CDYL2: variants seen among roughly 807,000 people sequenced by gnomAD.
CDYL2 encodes chromodomain Y like 2.
In CDYL2, 23 loss-of-function variants were observed where a neutral mutation model predicts 49.4. The observed-to-expected ratio is 0.47, with a 90% CI of 0.34 to 0.66. CDYL2 has a LOEUF of 0.66. Among genes scored for constraint, CDYL2 ranks in the 30% least tolerant of loss-of-function variants. The pLI is 0.01. For missense variants in CDYL2, 678 were observed against 656.4 expected (o/e 1.03, Z -0.36); for synonymous variants, 360 against 268.8 (o/e 1.34, Z -3.32).
intron 2 of CDYL2, among the ~76,000 whole-genome samples, chr16:80,652,902 A>C (rs1908646336): frequency 6.6e-6 from 1 of 152,228 alleles, no homozygotes; most frequent in South Asian, 2.1e-4. Context: ...AAAGCCTGAG[A>C]AACTGTCAGC....
intron 1 of CDYL2, among the ~76,000 whole-genome samples, chr16:80,693,093 T>A (rs1438734425): frequency 7.7e-6 from 1 of 129,526 alleles, no homozygotes. Context: ...TCATCTATAG[T>A]GATCGAAGCC....
intron 1 of CDYL2, among the ~76,000 whole-genome samples, chr16:80,710,580 T>C (rs1204523091): frequency 1.3e-5 from 2 of 152,218 alleles, no homozygotes; most frequent in African/African-American, 2.4e-5. Flanking sequence ...AACTACAGTA[T>C]ATTGTTCAGT....
chr16:80,695,726 C>T (rs1910591031), intron 1 of CDYL2, among the ~76,000 whole-genome samples: 1 of 152,078 alleles, frequency 6.6e-6, no homozygotes, highest in Non-Finnish European at 1.5e-5. Flanking sequence ...TATGTATGTA[C>T]CCAACACAGG....
At chr16:80,604,683 C>T in intron 6 of CDYL2, 137 bp from the exon 7 acceptor site, 1 of 826,652 alleles carries the variant, frequency 1.2e-6, no homozygotes, top group African/African-American at 1.7e-5. Flanking sequence ...CTGGGCCTTC[C>T]CAGTCCCATG....
intron 1 of CDYL2, among the ~76,000 whole-genome samples, chr16:80,746,681 G>C (rs1451194988): frequency 6.6e-6 from 1 of 152,166 alleles, no homozygotes; most frequent in Non-Finnish European, 1.5e-5. Flanking sequence ...AGGTAGCTTA[G>C]AAGGCCCCCT....
chr16:80,672,814 A>T (rs1207991422), intron 2 of CDYL2, among the ~76,000 whole-genome samples: 1 of 152,104 alleles, frequency 6.6e-6, no homozygotes, highest in South Asian at 2.1e-4. Flanking sequence ...GCCCACCAAC[A>T]CCTGACTCAT....
chr16:80,719,662 C>A (rs1904932889), intron 1 of CDYL2, among the ~76,000 whole-genome samples: 1 of 152,154 alleles, frequency 6.6e-6, no homozygotes, highest in Admixed American at 6.5e-5. Flanking sequence ...AACAAGGCCA[C>A]CCAGACCCCA....
chr16:80,708,870 T>A (rs1042525080), intron 1 of CDYL2, among the ~76,000 whole-genome samples: 4 of 152,214 alleles, frequency 2.6e-5, no homozygotes, highest in Non-Finnish European at 5.9e-5. Flanking sequence ...AAATCTTTAT[T>A]ATAAAGTTGC....
At chr16:80,647,561 C>G in intron 2 of CDYL2, among the ~76,000 whole-genome samples, 1 of 152,016 alleles carries the variant, frequency 6.6e-6, no homozygotes, top group East Asian at 1.9e-4. Flanking sequence ...ATTATTAGAG[C>G]TAAAGAGACA....
At chr16:80,736,933 C>G (rs1005890993) in intron 1 of CDYL2, among the ~76,000 whole-genome samples, 3 of 152,198 alleles carry the variant, frequency 2.0e-5, no homozygotes, top group African/African-American at 7.2e-5. Flanking sequence ...CATTTATCCT[C>G]TGTTGGAGCC....
chr16:80,652,548 C>G (rs1567556638), intron 2 of CDYL2, among the ~76,000 whole-genome samples: 1 of 152,148 alleles, frequency 6.6e-6, no homozygotes, highest in Non-Finnish European at 1.5e-5. Flanking sequence ...AGTATAACTT[C>G]CCATTCCTGA....
rs755656209 is a variant in CDYL2, at chr16:80,633,253, A to G, written c.617-17T>C. The G allele has an allele frequency of 3.7e-6, 6 of 1,606,476 alleles. No homozygotes were observed. The highest frequency in any genetic ancestry group is 5.1e-6 in the Non-Finnish European group (6 of 1,173,884). ...GAGCAGAGCCTTCCAAAACCAGATAAACAATGTAAGAAACTGAAATGGACC... is the reference window on the plus strand; with the variant it reads ...GAGCAGAGCCTTCCAAAACCAGATAGACAATGTAAGAAACTGAAATGGACC... On this transcript the variant is annotated splice_polypyrimidine_tract_variant and intron_variant, in intron 2 of 6. Transcript: ENST00000570137.
intron 1 of CDYL2, among the ~76,000 whole-genome samples, chr16:80,743,191 G>A (rs1046415399): frequency 1.3e-5 from 2 of 152,264 alleles, no homozygotes; most frequent in East Asian, 3.9e-4. Flanking sequence ...CAGGTTCCAT[G>A]TTAAGCCCTC....
rs139561927 is a variant in CDYL2 at position 80,665,399 on chromosome 16, C to A, written c.616+19139G>T. ...TGGGCTGTATCCTCAGCACTCAATG[C>A]CATGCCTGGCACACACGAGGGCTCA... On this transcript the variant is annotated intron_variant, in intron 2 of 6. Coordinates refer to ENST00000570137, the MANE Select transcript of CDYL2 (RefSeq NM_152342.4). Among the ~76,000 whole-genome samples the A allele has an allele frequency of 3.3e-3, 498 of 151,718 alleles. 3 individuals carry two copies. Among genetic ancestry groups the A allele is most frequent in the African/African-American group, 0.011 (457 of 41,354 alleles).
intron 2 of CDYL2, among the ~76,000 whole-genome samples, chr16:80,657,365 A>T (rs182219302): frequency 6.4e-4 from 97 of 152,204 alleles, no homozygotes; most frequent in Non-Finnish European, 6.9e-4. Flanking sequence ...AACTGGGAAA[A>T]ACAGTTGTGT....
At chr16:80,629,071 G>A (rs2142386576) in intron 3 of CDYL2, among the ~76,000 whole-genome samples, 1 of 152,336 alleles carries the variant, frequency 6.6e-6, no homozygotes, top group African/African-American at 2.4e-5. Context: ...GGACAGGTAT[G>A]TGAGGTGGGC....
chr16:80,743,570 C>G (rs1213081937), intron 1 of CDYL2, among the ~76,000 whole-genome samples: 1 of 152,138 alleles, frequency 6.6e-6, no homozygotes, highest in Non-Finnish European at 1.5e-5. Context: ...CCCAGTGAAG[C>G]GGGATTGGCA....
intron 1 of CDYL2, among the ~76,000 whole-genome samples, chr16:80,717,004 T>TGATGGATG (rs60811461): frequency 0.19 from 28,586 of 147,258 alleles, 2,726 homozygotes; most frequent in African/African-American, 0.22. Context: ...ATGATTCAAT[T>TGATGGATG]GATGGATGGA....
intron 1 of CDYL2, among the ~76,000 whole-genome samples, chr16:80,787,783 T>C (rs991970726): frequency 5.9e-5 from 9 of 152,230 alleles, no homozygotes; most frequent in African/African-American, 2.2e-4. Context: ...CATTTCTTTA[T>C]GTATTGAAGT....
Sources: gnomAD v4.1 joint callset for allele counts (sites outside exome capture counted in the v4.1 genomes callset) on GRCh38, gnomAD v4.1.1 for gene constraint, MANE v1.5 for transcripts, NCBI Gene and HGNC (gene_info 2026-07-23, HGNC 2026-07-21) for gene names.